The following RPRD1B variants were observed in gnomAD, a reference collection of about 807,000 sequenced individuals.
RPRD1B encodes regulation of nuclear pre-mRNA domain containing 1B.
A neutral mutation model predicts 41.5 loss-of-function variants in RPRD1B; 11 were observed. The observed-to-expected ratio is 0.27, with a 90% CI of 0.17 to 0.44. The LOEUF (loss-of-function observed/expected upper bound fraction) is 0.44, where lower values mean the gene tolerates loss of function less well. RPRD1B is among the 20% of genes least tolerant of loss of function. The probability of loss-of-function intolerance (pLI) is 1.00; values close to 1 mark genes in which losing one functional copy is unlikely to be tolerated. For missense variants in RPRD1B, 248 were observed against 389.9 expected, an observed-to-expected ratio of 0.64 and a Z score of 3.06; for synonymous variants, 158 against 155.6, an observed-to-expected ratio of 1.02 and a Z score of -0.12.
intron 1 of RPRD1B, among the ~76,000 whole-genome samples, chr20:38,035,383 A>T (rs2073990279): frequency 1.3e-5 from 2 of 152,198 alleles, no homozygotes; most frequent in Non-Finnish European, 2.9e-5. Flanking sequence ...AGTTGGGGAC[A>T]CCACAGATGT....
At chr20:38,075,896 G>A (rs1398873117) in intron 6 of RPRD1B, among the ~76,000 whole-genome samples, 4 of 152,082 alleles carry the variant, frequency 2.6e-5, no homozygotes, top group Non-Finnish European at 5.9e-5. Context: ...TCCTTATTGA[G>A]GTCCTTTATC....
At chr20:38,070,310 A>G in intron 6 of RPRD1B, 1 of 985,470 alleles carries the variant, frequency 1.0e-6, no homozygotes, top group Non-Finnish European at 1.2e-6. Context: ...TCTGTGGGTA[A>G]TGTTTTTGTC....
intron 2 of RPRD1B, among the ~76,000 whole-genome samples, chr20:38,047,527 C>G (rs988589944): frequency 1.4e-5 from 2 of 139,096 alleles, no homozygotes; most frequent in African/African-American, 6.1e-5. Context: ...AACCCCCTCA[C>G]AAAACAGAAG....
intron 1 of RPRD1B, among the ~76,000 whole-genome samples, chr20:38,039,295 C>T (rs994474818): frequency 3.9e-5 from 6 of 152,060 alleles, no homozygotes; most frequent in Admixed American, 6.5e-5. Context: ...TTAATGTATA[C>T]TTGTATTTGA....
chr20:38,091,465 T>G lies in RPRD1B; in HGVS notation c.*1590T>G. 1 of 985,400 alleles carries G rather than the reference T, an allele frequency of 1.0e-6. No homozygotes were observed. The highest frequency in any genetic ancestry group is 4.7e-5 in the South Asian group (1 of 21,284). The allele number at this position is 985,400 out of a possible 1,614,324, so 61.0% of individuals were successfully genotyped here. A position where few individuals can be genotyped will look rare whatever the true frequency, so the allele number is the denominator to read the frequency against. ...AACCTAGTAGTGTTTGAGCTGTTATTCAGATTTGAATTCAGACTGTGTGTT... is the reference window on the plus strand; with the variant it reads ...AACCTAGTAGTGTTTGAGCTGTTATGCAGATTTGAATTCAGACTGTGTGTT... On this transcript the variant is annotated 3_prime_UTR_variant, in exon 7 of 7. Coordinates refer to ENST00000373433, the MANE Select transcript of RPRD1B (RefSeq NM_021215.4).
intron 1 of RPRD1B, among the ~76,000 whole-genome samples, chr20:38,039,076 G>A (rs951830976): frequency 6.6e-6 from 1 of 152,176 alleles, no homozygotes; most frequent in Admixed American, 6.5e-5. Context: ...TATGTGCATA[G>A]AAGCCAGGGA....
intron 5 of RPRD1B, chr20:38,065,807 G>A (rs1884607726): frequency 3.4e-6 from 1 of 294,620 alleles, no homozygotes; most frequent in African/African-American, 2.2e-5. Flanking sequence ...TGTCAGGAGA[G>A]CTTTTGCAGG....
rs180688467 is a variant in RPRD1B, at chr20:38,066,099, G to A, written c.674G>A (p.Arg225His). Residue 225 changes from arginine to histidine, a missense_variant, in exon 6 of 7, where the codon CGT (arginine) becomes CAT (histidine). Arg to His is a conservative substitution (Grantham distance 29). This residue lies in a region of RPRD1B where 93 missense variants were observed against 167.2 expected (regional missense o/e 0.56). Coordinates refer to ENST00000373433, the MANE Select transcript of RPRD1B (RefSeq NM_021215.4). ...TACTTAGACAAAGAGGCAGCTGAAC[G>A]TCTTTCAAAAACAGTAGATGAAGCA... ...EKITDKEAAE[R>H]LSKTVDEACL... 6.8e-6 allele frequency: 11 copies of A among 1,614,074 alleles called. No homozygotes were observed. The highest frequency in any genetic ancestry group is 2.2e-5 in the South Asian group (2 of 91,070).
At chr20:38,062,640 A>G (rs760101941) in intron 5 of RPRD1B, among the ~76,000 whole-genome samples, 27 of 151,948 alleles carry the variant, frequency 1.8e-4, no homozygotes, top group Admixed American at 4.6e-4. Flanking sequence ...ACAGGTCTCT[A>G]CCATGTTCAG....
rs1356892450 is a variant in RPRD1B at position 38,089,820 on chromosome 20, T to C, written c.926T>C (p.Val309Ala). 1 of 1,614,104 alleles carries C rather than the reference T, an allele frequency of 6.2e-7. No homozygotes were observed. Among genetic ancestry groups the C allele is most frequent in the Non-Finnish European group, 8.5e-7 (1 of 1,180,044 alleles). Reference protein sequence around the residue: ...SLPDLSLLPNVTGGLAPLPSA... With the variant: ...SLPDLSLLPNATGGLAPLPSA... ...CCAGACCTCTCACTGCTGCCCAACG[T>C]CACAGGGGGCTTAGCCCCCCTGCCC... Residue 309 changes from valine to alanine, a missense_variant, in exon 7 of 7, where the codon GTC (valine) becomes GCC (alanine). Val to Ala is a moderately conservative substitution (Grantham distance 64). Transcript: ENST00000373433.
Position 38,090,031 on chromosome 20 carries a change from C to T in RPRD1B, c.*156C>T, listed in dbSNP as rs2074599740. The T allele has an allele frequency of 7.0e-6, 10 of 1,432,778 alleles. No individual in the cohort carries two copies. The East Asian group carries it at 2.2e-4, about 32-fold the overall frequency. 88.8% of individuals were successfully genotyped at this position (1,432,778 alleles called of 1,614,324 possible). The stretch of plus-strand genomic sequence containing the variant: ...TCAGACTCTGATTCTCCTCTTCAGC[C>T]TCTCATCTTGAGCACAGTTCAGAAC... On this transcript the variant is annotated 3_prime_UTR_variant, in exon 7 of 7. Transcript: ENST00000373433.
chr20:38,034,168 C>A, intron 1 of RPRD1B, 70 bp downstream of exon 1: 1 of 1,484,390 alleles, frequency 6.7e-7, no homozygotes. Context: ...ACCTAGGCCC[C>A]TCTAAGCCTC....
At chr20:38,068,308 A>C (rs1023947280) in intron 6 of RPRD1B, among the ~76,000 whole-genome samples, 2 of 152,218 alleles carry the variant, frequency 1.3e-5, no homozygotes, top group Non-Finnish European at 2.9e-5. Flanking sequence ...ATCTCAAACC[A>C]TGTCTCCGAG....
chr20:38,063,912 T>C (rs1323961344), intron 5 of RPRD1B, among the ~76,000 whole-genome samples: 1 of 152,250 alleles, frequency 6.6e-6, no homozygotes, highest in Non-Finnish European at 1.5e-5. Flanking sequence ...GTTGTAATTA[T>C]TTGTGTAAAT....
In RPRD1B at chr20:38,065,392, G is replaced by T. The variant is rs958575076; in HGVS notation, c.656-689G>T. On this transcript the variant is annotated intron_variant, in intron 5 of 6. Transcript: ENST00000373433. The stretch of plus-strand genomic sequence containing the variant: ...TAAAAAGACTACTTAATGAAATATA[G>T]TGGTCCCTCCATATCCATGGGGGTT... Among the ~76,000 whole-genome samples, 6 of 152,198 alleles carry T rather than the reference G, an allele frequency of 3.9e-5. No individual in the cohort carries two copies. In the South Asian group the frequency reaches 1.2e-3, roughly 32 times the overall value.
intron 2 of RPRD1B, among the ~76,000 whole-genome samples, chr20:38,042,034 T>G (rs2074071582): frequency 6.6e-6 from 1 of 152,160 alleles, no homozygotes; most frequent in Non-Finnish European, 1.5e-5. Context: ...AGGCGTTCAG[T>G]AAATATTTGT....
intron 3 of RPRD1B, among the ~76,000 whole-genome samples, chr20:38,048,942 C>G (rs2074150272): frequency 6.6e-6 from 1 of 152,108 alleles, no homozygotes. Flanking sequence ...TGGTGTCTGT[C>G]TAAAGTTGAT....
At chr20:38,039,407 C>CTTTTTTTTTTTTTTTTTTTTTTTTTTT (rs1165738530) in intron 1 of RPRD1B, among the ~76,000 whole-genome samples, 2 of 141,736 alleles carry the variant, frequency 1.4e-5, no homozygotes, top group African/African-American at 2.6e-5. Flanking sequence ...TACAAGAAAC[C>CTTTTTTTTTTTTTTTTTTTTTTTTTTT]TTTTTTTTTT....
intron 2 of RPRD1B, among the ~76,000 whole-genome samples, chr20:38,046,401 A>G (rs904745337): frequency 6.6e-6 from 1 of 152,254 alleles, no homozygotes; most frequent in Non-Finnish European, 1.5e-5. Context: ...AAAGATTACA[A>G]TTTGACAGAT....
Sources: allele counts gnomAD v4.1 joint callset (sites outside exome capture counted in the v4.1 genomes callset), GRCh38; gene constraint gnomAD v4.1.1; regional missense constraint gnomAD v4.1.1; transcripts MANE v1.5; gene names NCBI Gene and HGNC (gene_info 2026-07-23, HGNC 2026-07-21).